RUNX1T1: variants seen among roughly 807,000 people sequenced by gnomAD.
RUNX1T1 encodes the protein RUNX1 partner transcriptional co-repressor 1.
In RUNX1T1, 4 loss-of-function variants were observed where a neutral mutation model predicts 62.8. The observed-to-expected ratio is 0.06, with a 90% CI of 0.03 to 0.15. The LOEUF (loss-of-function observed/expected upper bound fraction) is 0.15, where lower values mean the gene tolerates loss of function less well. RUNX1T1 is among the 10% of genes least tolerant of loss of function. The pLI is 1.00. For missense variants in RUNX1T1, 508 were observed against 754.3 expected (o/e 0.67, Z 3.82); for synonymous variants, 291 against 286.0 (o/e 1.02, Z -0.18).
chr8:91,984,955 C>A (rs1348624535), intron 8 of RUNX1T1, among the ~76,000 whole-genome samples: 1 of 152,150 alleles, frequency 6.6e-6, no homozygotes, highest in Non-Finnish European at 1.5e-5. Context: ...TGATAATAGG[C>A]ATTCGGCATT....
chr8:91,983,778 G>A (rs923619926), intron 8 of RUNX1T1, among the ~76,000 whole-genome samples: 2 of 152,162 alleles, frequency 1.3e-5, no homozygotes, highest in Non-Finnish European at 2.9e-5. Context: ...AGCACTTAAT[G>A]TAAATGATTG....
intron 10 of RUNX1T1, among the ~76,000 whole-genome samples, chr8:91,962,532 T>C (rs1810726913): frequency 6.6e-6 from 1 of 152,250 alleles, no homozygotes; most frequent in Non-Finnish European, 1.5e-5. Context: ...CTCATTACCA[T>C]AACAAGAAGC....
chr8:92,077,137 T>C (rs1205523526), intron 1 of RUNX1T1, among the ~76,000 whole-genome samples: 3 of 152,082 alleles, frequency 2.0e-5, no homozygotes, highest in African/African-American at 7.2e-5. Flanking sequence ...AAAATCAATG[T>C]AGTTTATGTG....
intron 1 of RUNX1T1, among the ~76,000 whole-genome samples, chr8:92,028,088 T>TGGGAA (rs1825575354): frequency 3.1e-5 from 1 of 32,704 alleles, no homozygotes; most frequent in Non-Finnish European, 5.4e-5. Flanking sequence ...GGGGGGGGGG[T>TGGGAA]GGGAAGGAAG....
intron 2 of RUNX1T1, among the ~76,000 whole-genome samples, chr8:92,016,743 T>A (rs34486674): frequency 2.0e-5 from 3 of 152,194 alleles, no homozygotes; most frequent in Non-Finnish European, 4.4e-5. Context: ...TATGATATTG[T>A]TGCATATCAA....
chr8:91,987,472 C>A (rs1816816058), intron 6 of RUNX1T1, among the ~76,000 whole-genome samples: 1 of 152,032 alleles, frequency 6.6e-6, no homozygotes, highest in Non-Finnish European at 1.5e-5. Context: ...AATACATATA[C>A]CTCCGTGATA....
chr8:91,978,463 A>C (rs1814471501), intron 8 of RUNX1T1, among the ~76,000 whole-genome samples: 1 of 152,180 alleles, frequency 6.6e-6, no homozygotes, highest in Admixed American at 6.5e-5. Flanking sequence ...TGGCTATATA[A>C]TTATTTCCTT....
chr8:92,020,190 C>T (rs1305946625), intron 1 of RUNX1T1, among the ~76,000 whole-genome samples: 2 of 152,190 alleles, frequency 1.3e-5, no homozygotes, highest in African/African-American at 4.8e-5. Flanking sequence ...AATCCACATA[C>T]ACATGAACAC....
At chr8:91,962,154 G>C (rs1173859127) in intron 10 of RUNX1T1, among the ~76,000 whole-genome samples, 3 of 152,198 alleles carry the variant, frequency 2.0e-5, no homozygotes, top group Admixed American at 2.0e-4. Context: ...TGTGCTGAAA[G>C]CCTTTGAACT....
At chr8:92,048,368 G>A (rs900913720) in intron 1 of RUNX1T1, among the ~76,000 whole-genome samples, 4 of 151,846 alleles carry the variant, frequency 2.6e-5, no homozygotes, top group African/African-American at 4.9e-5. Context: ...AGCTTGTTAC[G>A]GATTTTAATT....
At chr8:92,052,010 A>T (rs1784534011) in intron 1 of RUNX1T1, among the ~76,000 whole-genome samples, 1 of 152,162 alleles carries the variant, frequency 6.6e-6, no homozygotes, top group African/African-American at 2.4e-5. Flanking sequence ...TGGTGCCAGG[A>T]ATCATTTCAA....
At chr8:91,964,887 A>G (rs762168662) in intron 10 of RUNX1T1, among the ~76,000 whole-genome samples, 3 of 152,168 alleles carry the variant, frequency 2.0e-5, no homozygotes, top group Non-Finnish European at 4.4e-5. Context: ...TTTCATTTCC[A>G]ACTTCATCAC....
At chr8:92,009,346 T>C (rs1219065114) in intron 4 of RUNX1T1, among the ~76,000 whole-genome samples, 2 of 152,194 alleles carry the variant, frequency 1.3e-5, no homozygotes, top group African/African-American at 2.4e-5. Context: ...CAGCAGTGTT[T>C]GAATGCACTT....
intron 4 of RUNX1T1, among the ~76,000 whole-genome samples, chr8:92,008,489 T>C (rs1347864440): frequency 6.6e-6 from 1 of 151,766 alleles, no homozygotes; most frequent in Non-Finnish European, 1.5e-5. Context: ...AAAGGCTCTA[T>C]CTGAACATAT....
At chr8:92,096,820 A>G (rs1586034786) in intron 1 of RUNX1T1, among the ~76,000 whole-genome samples, 1 of 152,186 alleles carries the variant, frequency 6.6e-6, no homozygotes, top group African/African-American at 2.4e-5. Context: ...AGAAAAAAAA[A>G]CAATAGCAAG....
chr8:91,972,539 T>C (rs1218157153), intron 9 of RUNX1T1, among the ~76,000 whole-genome samples: 1 of 152,100 alleles, frequency 6.6e-6, no homozygotes, highest in Non-Finnish European at 1.5e-5. Context: ...TTTATTATCC[T>C]ATCATAAATG....
chr8:91,956,472 C>G (rs576980043), downstream of RUNX1T1: 1 of 227,130 alleles, frequency 4.4e-6, no homozygotes, highest in South Asian at 1.8e-4. Flanking sequence ...CCATGGCACA[C>G]CGGGGACGAG....
At chr8:92,017,669 C>T in intron 1 of RUNX1T1, 2 of 1,245,226 alleles carry the variant, frequency 1.6e-6, no homozygotes, top group Admixed American at 7.8e-5. Context: ...GAAGCTGAAG[C>T]CAATGTTAGC....
At chr8:92,073,782 G>A (rs897691267) in intron 2 of RUNX1T1, among the ~76,000 whole-genome samples, 3 of 152,144 alleles carry the variant, frequency 2.0e-5, no homozygotes, top group African/African-American at 7.2e-5. Flanking sequence ...CTGCAGCCAC[G>A]AATTCCTGGG....
Sources: allele counts gnomAD v4.1 joint callset (sites outside exome capture counted in the v4.1 genomes callset), GRCh38; gene constraint gnomAD v4.1.1; transcripts MANE v1.5; gene names NCBI Gene and HGNC (gene_info 2026-07-23, HGNC 2026-07-21).